ADAMTSL1: variants seen among roughly 807,000 people sequenced by gnomAD.
ADAMTSL1 encodes the protein ADAMTS-like protein 1.
ADAMTSL1 carries 126 observed loss-of-function variants against 201.8 expected under a neutral mutation model. That is an observed-to-expected ratio of 0.62 (90% confidence interval 0.54 to 0.72). The LOEUF is 0.72. ADAMTSL1 is among the 30% of genes least tolerant of loss of function. ADAMTSL1 has a pLI of 0.00. For missense variants in ADAMTSL1, 2,679 were observed against 2,277.8 expected (o/e 1.18, Z -3.59); for synonymous variants, 1,121 against 903.4 (o/e 1.24, Z -4.32).
chr9:18,458,202 C>A (rs1820680071), intron 2 of ADAMTSL1, among the ~76,000 whole-genome samples: 1 of 152,122 alleles, frequency 6.6e-6, no homozygotes, highest in Admixed American at 6.5e-5. Flanking sequence ...CAAGAGTTTT[C>A]AAACATTTTT....
intron 1 of ADAMTSL1, among the ~76,000 whole-genome samples, chr9:18,080,804 T>C (rs1239425866): frequency 6.6e-6 from 1 of 152,236 alleles, no homozygotes; most frequent in Admixed American, 6.5e-5. Context: ...TTCTACTTAA[T>C]AGTCATTCTG....
chr9:18,847,663 AG>A, intron 23 of ADAMTSL1, among the ~76,000 whole-genome samples: 2 of 152,034 alleles, frequency 1.3e-5, no homozygotes, highest in Non-Finnish European at 2.9e-5. Flanking sequence ...GAGAGAGAAG[AG>A]AGGAGAAGAG....
chr9:18,401,465 C>G (rs1587083670), intron 2 of ADAMTSL1, among the ~76,000 whole-genome samples: 1 of 152,276 alleles, frequency 6.6e-6, no homozygotes, highest in East Asian at 1.9e-4. Flanking sequence ...GTTTAAGTAC[C>G]AATGCCTGCA....
chr9:18,510,583 T>A (rs1363953611), intron 2 of ADAMTSL1, among the ~76,000 whole-genome samples: 1 of 152,124 alleles, frequency 6.6e-6, no homozygotes, highest in African/African-American at 2.4e-5. Context: ...GGAACACTGA[T>A]CATTGCCTTT....
chr9:18,893,459 C>CTTT (rs1246033041), intron 26 of ADAMTSL1, among the ~76,000 whole-genome samples: 1 of 152,200 alleles, frequency 6.6e-6, no homozygotes, highest in Non-Finnish European at 1.5e-5. Context: ...CCCTCCTCCT[C>CTTT]TTTTCTACAA....
At chr9:18,607,047 A>C (rs547333819) in intron 4 of ADAMTSL1, among the ~76,000 whole-genome samples, 12 of 152,160 alleles carry the variant, frequency 7.9e-5, no homozygotes, top group Non-Finnish European at 1.3e-4. Context: ...ACAATGAGCA[A>C]TCCATGTAAG....
rs376406587 is a variant in ADAMTSL1 at position 18,632,545 on chromosome 9, AT to A, written c.602-3394del. ...GGGAATTTCATCTGTGGGGTGTAGT[AT>A]TTTGTATTTCCCCCATATTTTATCT... On this transcript the variant is annotated intron_variant, in intron 5 of 28. Transcript: ENST00000380548. Among the ~76,000 whole-genome samples the A allele has an allele frequency of 6.6e-4, 100 of 152,210 alleles. No individual in the cohort carries two copies. In the East Asian group the frequency reaches 0.017, roughly 26 times the overall value.
At chr9:18,707,293 C>A (rs1832287046) in intron 14 of ADAMTSL1, among the ~76,000 whole-genome samples, 2 of 152,304 alleles carry the variant, frequency 1.3e-5, no homozygotes, top group South Asian at 4.1e-4. Context: ...TTTCAGTTGT[C>A]ATTCTGATGT....
chr9:18,283,345 C>T (rs1413278871), intron 2 of ADAMTSL1, among the ~76,000 whole-genome samples: 1 of 152,028 alleles, frequency 6.6e-6, no homozygotes, highest in Non-Finnish European at 1.5e-5. Flanking sequence ...TGGTTCATGA[C>T]TGTAATGCCA....
At chr9:18,728,389 A>G (rs1449038051) in intron 15 of ADAMTSL1, among the ~76,000 whole-genome samples, 1 of 152,170 alleles carries the variant, frequency 6.6e-6, no homozygotes, top group Non-Finnish European at 1.5e-5. Context: ...ATGTCTTTAT[A>G]TAGACCGTTG....
At chr9:18,881,029 C>T (rs1190723910) in intron 23 of ADAMTSL1, among the ~76,000 whole-genome samples, 4 of 152,204 alleles carry the variant, frequency 2.6e-5, no homozygotes, top group Non-Finnish European at 4.4e-5. Context: ...AGCTTCCTCA[C>T]GTCTCTCAGC....
chr9:17,983,068 C>CTTTTTTT (rs1334217552), intron 1 of ADAMTSL1, among the ~76,000 whole-genome samples: 2 of 97,466 alleles, frequency 2.1e-5, no homozygotes, highest in African/African-American at 8.0e-5. Context: ...TTCTTTCTTT[C>CTTTTTTT]TTTCTTTCTT....
rs1380662801 is a variant in ADAMTSL1 at position 18,770,602 on chromosome 9, T to C, written c.2218T>C (p.Cys740Arg). 6.2e-7 allele frequency: 1 copy of C among 1,608,938 alleles called. No homozygotes were observed. The highest frequency in any genetic ancestry group is 8.5e-7 in the Non-Finnish European group (1 of 1,177,172). Residue 740 changes from cysteine (C) to arginine (R), a missense_variant and splice_region_variant, in exon 17 of 29, where the codon TGT becomes CGT. Transcript: ENST00000380548. ...PAWYPAQWQP[C>R]SRTCGGGVQK... ...CTTCTTTCCTTCTTTCTTTCCCCAG[T>C]GTTCCAGAACGTGTGGCGGGGGTGT...
At chr9:17,935,890 G>A (rs530539553) in intron 1 of ADAMTSL1, among the ~76,000 whole-genome samples, 1 of 152,248 alleles carries the variant, frequency 6.6e-6, no homozygotes, top group East Asian at 1.9e-4. Context: ...TGCTACTCCT[G>A]CTTAACGCCC....
At chr9:18,055,665 G>A (rs992268248) in intron 1 of ADAMTSL1, among the ~76,000 whole-genome samples, 1 of 152,180 alleles carries the variant, frequency 6.6e-6, no homozygotes, top group East Asian at 1.9e-4. Context: ...TCACCTAATC[G>A]CAGGGGCGCT....
chr9:17,956,796 G>A (rs959046942), intron 1 of ADAMTSL1, among the ~76,000 whole-genome samples: 1 of 152,158 alleles, frequency 6.6e-6, no homozygotes, highest in African/African-American at 2.4e-5. Flanking sequence ...TAAGAAGTTT[G>A]TTAATAGCAA....
At chr9:18,388,563 C>T (rs913780522) in intron 2 of ADAMTSL1, among the ~76,000 whole-genome samples, 23 of 151,916 alleles carry the variant, frequency 1.5e-4, no homozygotes, top group African/African-American at 5.5e-4. Context: ...CCTGAGCCAC[C>T]ATGTTCGGCC....
intron 7 of ADAMTSL1, among the ~76,000 whole-genome samples, chr9:18,656,319 A>C (rs939260750): frequency 1.3e-5 from 2 of 151,990 alleles, no homozygotes; most frequent in Non-Finnish European, 2.9e-5. Flanking sequence ...TTTATCCTAC[A>C]TTATGGGCAA....
At chr9:18,067,369 A>G (rs1586976313) in intron 1 of ADAMTSL1, among the ~76,000 whole-genome samples, 1 of 125,764 alleles carries the variant, frequency 8.0e-6, no homozygotes, top group East Asian at 2.0e-4. Context: ...AAAATTCAAA[A>G]ACATTAGCAG....
Sources: gnomAD v4.1 joint callset for allele counts (sites outside exome capture counted in the v4.1 genomes callset) on GRCh38, gnomAD v4.1.1 for gene constraint, MANE v1.5 for transcripts, NCBI Gene and HGNC (gene_info 2026-07-23, HGNC 2026-07-21) for gene names.